TEAD4: variants seen among roughly 807,000 people sequenced by gnomAD.
TEAD4 encodes transcriptional enhancer factor TEF-3.
In TEAD4, 36 loss-of-function variants were observed where a neutral mutation model predicts 52.4. The observed-to-expected ratio is 0.69, with a 90% CI of 0.53 to 0.91. TEAD4 has a LOEUF of 0.91. TEAD4 is among the 40% of genes least tolerant of loss of function. The pLI is 0.00. For missense variants in TEAD4, 508 were observed against 583.9 expected (o/e 0.87, Z 1.34); for synonymous variants, 220 against 231.0 (o/e 0.95, Z 0.43).
intron 10 of TEAD4, among the ~76,000 whole-genome samples, chr12:3,036,197 T>A (rs1341325917): frequency 6.6e-6 from 1 of 152,196 alleles, no homozygotes; most frequent in Admixed American, 6.5e-5. Context: ...CCATTCTGTT[T>A]CAGCATGAAA....
chr12:2,999,206 G>A (rs2098249668), intron 3 of TEAD4, among the ~76,000 whole-genome samples: 1 of 152,110 alleles, frequency 6.6e-6, no homozygotes, highest in African/African-American at 2.4e-5. Flanking sequence ...TTCCCTTGGG[G>A]CATCTGCGCT....
intron 2 of TEAD4, among the ~76,000 whole-genome samples, chr12:2,988,357 A>G (rs896043158): frequency 6.6e-5 from 10 of 151,980 alleles, no homozygotes; most frequent in Admixed American, 3.3e-4. Flanking sequence ...TACTAAAAAT[A>G]CAAATGCAAA....
At chr12:2,991,138 G>A (rs979350600) in intron 2 of TEAD4, among the ~76,000 whole-genome samples, 2 of 152,262 alleles carry the variant, frequency 1.3e-5, no homozygotes, top group African/African-American at 4.8e-5. Context: ...GTTCAGTGCT[G>A]TACTAAGCTA....
At chr12:2,965,006 C>T (rs1278652437) in intron 2 of TEAD4, among the ~76,000 whole-genome samples, 1 of 151,878 alleles carries the variant, frequency 6.6e-6, no homozygotes, top group Non-Finnish European at 1.5e-5. Context: ...TAGGAGTGAC[C>T]CCAGAACCAC....
At chr12:2,975,703 T>C (rs2098229072) in intron 2 of TEAD4, among the ~76,000 whole-genome samples, 1 of 151,902 alleles carries the variant, frequency 6.6e-6, no homozygotes, top group Admixed American at 6.6e-5. Flanking sequence ...ATTATTAGAG[T>C]CCATAGTTCA....
At chr12:3,006,268 G>A (rs2098255882) in intron 3 of TEAD4, among the ~76,000 whole-genome samples, 1 of 152,150 alleles carries the variant, frequency 6.6e-6, no homozygotes, top group Non-Finnish European at 1.5e-5. Flanking sequence ...TCGGATTTTA[G>A]GATTAGGGAT....
intron 8 of TEAD4, 55 bp from the exon 9 acceptor site, chr12:3,020,579 C>T (rs968478584): frequency 9.5e-6 from 14 of 1,469,686 alleles, no homozygotes; most frequent in South Asian, 3.0e-5. Context: ...GCAGAGGGTG[C>T]GGGCAGGGCG....
chr12:3,009,605 C>T (rs566219606), intron 3 of TEAD4, among the ~76,000 whole-genome samples: 9 of 152,314 alleles, frequency 5.9e-5, no homozygotes, highest in Admixed American at 1.3e-4. Context: ...GACTTAGACC[C>T]GAGATGCTGC....
At chr12:3,018,442 C>T (rs895252904) in intron 6 of TEAD4, 103 bp from the exon 7 acceptor site, 1 of 1,389,832 alleles carries the variant, frequency 7.2e-7, no homozygotes, top group East Asian at 2.3e-5. Flanking sequence ...GCTCCAGCCT[C>T]TCCTCCCAGT....
intron 2 of TEAD4, among the ~76,000 whole-genome samples, chr12:2,981,034 A>G (rs1484051716): frequency 2.6e-5 from 4 of 152,156 alleles, no homozygotes; most frequent in Non-Finnish European, 5.9e-5. Flanking sequence ...CAGCTACCTC[A>G]AGGGGATGGG....
At chr12:3,022,364 C>T (rs1022911776) in intron 10 of TEAD4, among the ~76,000 whole-genome samples, 1 of 152,188 alleles carries the variant, frequency 6.6e-6, no homozygotes, top group African/African-American at 2.4e-5. Context: ...TAGGAGCGCC[C>T]TTGTCACCCA....
chr12:2,968,385 CTTTTTTT>C (rs61672018), intron 2 of TEAD4, among the ~76,000 whole-genome samples: 11 of 55,062 alleles, frequency 2.0e-4, no homozygotes, highest in African/African-American at 7.3e-4. Flanking sequence ...CGCGCCCGGC[CTTTTTTT>C]TTTTTTTTTT....
intron 3 of TEAD4, among the ~76,000 whole-genome samples, chr12:3,001,742 A>G (rs1036671335): frequency 1.3e-5 from 2 of 150,478 alleles, no homozygotes; most frequent in East Asian, 2.0e-4. Flanking sequence ...ATGCCACTGC[A>G]CTCCAGCCTG....
chr12:2,995,767 G>T (rs1166293201), intron 3 of TEAD4, among the ~76,000 whole-genome samples: 1 of 152,180 alleles, frequency 6.6e-6, no homozygotes, highest in Admixed American at 6.5e-5. Context: ...AGCACTTTGG[G>T]AGGCCAAGGT....
At chr12:2,981,040 A>G (rs1276457571) in intron 2 of TEAD4, among the ~76,000 whole-genome samples, 1 of 152,146 alleles carries the variant, frequency 6.6e-6, no homozygotes, top group East Asian at 1.9e-4. Context: ...CCTCAAGGGG[A>G]TGGGGGCAGG....
intron 2 of TEAD4, among the ~76,000 whole-genome samples, chr12:2,961,428 C>T (rs1344680055): frequency 1.3e-5 from 2 of 152,000 alleles, no homozygotes; most frequent in Middle Eastern, 3.2e-3. Context: ...CTCGTCCTTG[C>T]TCCTCCATCC....
chr12:3,001,770 C>G (rs2098251871), intron 3 of TEAD4, among the ~76,000 whole-genome samples: 5 of 144,684 alleles, frequency 3.5e-5, no homozygotes. Flanking sequence ...AAGCGAGACT[C>G]TGTCTCAAAA....
At chr12:2,995,103 G>C in intron 3 of TEAD4, 111 bp downstream of exon 3, 1 of 1,367,724 alleles carries the variant, frequency 7.3e-7, no homozygotes, top group Non-Finnish European at 9.8e-7. Flanking sequence ...TTGGGGCTTT[G>C]TCGGGTGGAC....
intron 5 of TEAD4, among the ~76,000 whole-genome samples, chr12:3,014,155 C>A (rs1261424296): frequency 2.0e-5 from 3 of 152,226 alleles, no homozygotes; most frequent in Admixed American, 2.0e-4. Context: ...GTTGCTCCCG[C>A]CTCTCAGCCT....
Sources: gnomAD v4.1 joint callset for allele counts (sites outside exome capture counted in the v4.1 genomes callset) on GRCh38, gnomAD v4.1.1 for gene constraint, MANE v1.5 for transcripts, NCBI Gene and HGNC (gene_info 2026-07-23, HGNC 2026-07-21) for gene names.